Variants in SDK1 observed in about 807,000 individuals in gnomAD.
The protein encoded by SDK1 is sidekick cell adhesion molecule 1.
SDK1 carries 157 observed loss-of-function variants against 245.5 expected under a neutral mutation model. That is an observed-to-expected ratio of 0.64 (90% CI 0.56 to 0.73). The LOEUF (loss-of-function observed/expected upper bound fraction) is 0.73. Among genes scored for constraint, SDK1 ranks in the 30% least tolerant of loss-of-function variants. SDK1 has a pLI of 0.00. For synonymous variants in SDK1, 1,647 were observed against 1,278.5 expected (o/e 1.29, Z -6.15); for missense variants, 3,583 against 3,002.3 (o/e 1.19, Z -4.52).
intron 1 of SDK1, among the ~76,000 whole-genome samples, chr7:3,466,803 T>C (rs1457749051): frequency 2.6e-5 from 4 of 151,970 alleles, no homozygotes; most frequent in Admixed American, 1.3e-4. Context: ...AATTGAACAC[T>C]GTAAAGGACA....
intron 4 of SDK1, among the ~76,000 whole-genome samples, chr7:3,712,832 C>G (rs1785088639): frequency 1.3e-5 from 2 of 152,178 alleles, no homozygotes; most frequent in Non-Finnish European, 2.9e-5. Flanking sequence ...GCTAAATAAA[C>G]AAGGAATGGC....
intron 15 of SDK1, 56 bp downstream of exon 15, chr7:4,011,169 A>G: frequency 6.3e-7 from 1 of 1,584,672 alleles, no homozygotes; most frequent in Non-Finnish European, 8.6e-7. Context: ...CTGAATGCCA[A>G]AGAGAAGCAT....
intron 1 of SDK1, among the ~76,000 whole-genome samples, chr7:3,468,040 G>C (rs1440311260): frequency 1.3e-5 from 2 of 151,866 alleles, no homozygotes; most frequent in Non-Finnish European, 2.9e-5. Context: ...ATCTATGCAA[G>C]AAATGAATAT....
intron 1 of SDK1, among the ~76,000 whole-genome samples, chr7:3,472,695 A>G (rs1289077756): frequency 6.6e-6 from 1 of 152,224 alleles, no homozygotes; most frequent in Non-Finnish European, 1.5e-5. Flanking sequence ...TGAAACTTTC[A>G]AAATTTAGAA....
At chr7:3,916,490 T>G (rs969551183) in intron 5 of SDK1, among the ~76,000 whole-genome samples, 1 of 152,222 alleles carries the variant, frequency 6.6e-6, no homozygotes, top group Non-Finnish European at 1.5e-5. Flanking sequence ...TTTGAACTCT[T>G]GCCATCTTTG....
intron 19 of SDK1, among the ~76,000 whole-genome samples, chr7:4,061,803 T>TA (rs1455158376): frequency 6.6e-6 from 1 of 151,742 alleles, no homozygotes; most frequent in African/African-American, 2.4e-5. Context: ...TATGCAGCCA[T>TA]AAAAAATGAT....
chr7:4,240,021 CAAAG>C (rs1373902275), intron 42 of SDK1, among the ~76,000 whole-genome samples: 2 of 152,196 alleles, frequency 1.3e-5, no homozygotes, highest in Admixed American at 1.3e-4. Context: ...ATTCATCCTT[CAAAG>C]AAAGGATTTA....
intron 3 of SDK1, among the ~76,000 whole-genome samples, chr7:3,639,549 C>T (rs1330129509): frequency 2.0e-5 from 3 of 152,084 alleles, no homozygotes; most frequent in African/African-American, 4.8e-5. Flanking sequence ...GGATAGTGAG[C>T]GTCCCCGATG....
chr7:3,466,542 C>G (rs916081111), intron 1 of SDK1, among the ~76,000 whole-genome samples: 1 of 150,018 alleles, frequency 6.7e-6, no homozygotes, highest in African/African-American at 2.5e-5. Context: ...CAGCCTTGCA[C>G]TGCTTCTGGC....
intron 4 of SDK1, among the ~76,000 whole-genome samples, chr7:3,734,222 A>G (rs1477257562): frequency 2.6e-5 from 4 of 152,234 alleles, no homozygotes; most frequent in Admixed American, 6.5e-5. Flanking sequence ...TTGTATCATT[A>G]GGTGCCCCAC....
At chr7:4,185,069 A>G (rs1243523891) in intron 35 of SDK1, among the ~76,000 whole-genome samples, 1 of 152,206 alleles carries the variant, frequency 6.6e-6, no homozygotes, top group Non-Finnish European at 1.5e-5. Context: ...GCCCAAAGCC[A>G]GGGAGATGTC....
chr7:3,752,403 GCCA>G (rs1779799213), intron 4 of SDK1, among the ~76,000 whole-genome samples: 1 of 152,046 alleles, frequency 6.6e-6, no homozygotes. Context: ...TACTTTTAAT[GCCA>G]TCTGACCTCA....
At chr7:3,524,773 A>G (rs988411216) in intron 1 of SDK1, among the ~76,000 whole-genome samples, 1 of 152,198 alleles carries the variant, frequency 6.6e-6, no homozygotes, top group Non-Finnish European at 1.5e-5. Context: ...ATTTCGATGT[A>G]CAAATCTGGA....
chr7:3,632,674 G>A (rs17320730), intron 2 of SDK1, among the ~76,000 whole-genome samples: 37,078 of 152,002 alleles, frequency 0.24, 5,463 homozygotes, highest in Non-Finnish European at 0.33. Context: ...AGCTTCCATC[G>A]TTACCATACT....
intron 1 of SDK1, among the ~76,000 whole-genome samples, chr7:3,475,140 C>G (rs990762093): frequency 6.6e-6 from 1 of 152,146 alleles, no homozygotes; most frequent in Non-Finnish European, 1.5e-5. Context: ...TCCCCTTGTT[C>G]CATTCTCTCC....
chr7:3,563,632 A>C (rs191718130), intron 1 of SDK1, among the ~76,000 whole-genome samples: 1 of 152,346 alleles, frequency 6.6e-6, no homozygotes, highest in African/African-American at 2.4e-5. Context: ...TGTTCTCAGA[A>C]ATTAGTAAAT....
chr7:3,567,260 C>G (rs1263077695), intron 1 of SDK1, among the ~76,000 whole-genome samples: 1 of 152,142 alleles, frequency 6.6e-6, no homozygotes, highest in African/African-American at 2.4e-5. Flanking sequence ...AGGTATTTAT[C>G]CTCCATTCCT....
At position 4,257,846 on chromosome 7, in the gene SDK1, C is replaced by T. The variant is rs180842936; in HGVS notation, c.6382-7278C>T. 3.8e-3 allele frequency among the ~76,000 whole-genome samples: 571 copies of T among 152,056 alleles called. 3 individuals are homozygous for T. Among genetic ancestry groups the T allele is most frequent in the Non-Finnish European group, 5.3e-3 (361 of 68,030 alleles). The stretch of plus-strand genomic sequence containing the variant: ...CCCTTCCAGCTGCATTGTGAAAAAT[C>T]CCAAGGCAAGACTCTGATTGGCTGA... On this transcript the variant is annotated intron_variant, in intron 44 of 44. Coordinates refer to ENST00000404826, the MANE Select transcript of SDK1 (RefSeq NM_152744.4).
Position 3,634,833 on chromosome 7 carries a change from T to C in SDK1, c.459-4171T>C, listed in dbSNP as rs547692420. Among the ~76,000 whole-genome samples, 3 of 152,324 alleles carry C rather than the reference T, an allele frequency of 2.0e-5. No homozygotes were observed. In the South Asian group the frequency reaches 6.2e-4, roughly 32 times the overall value. ...ATTCAATTTTGTCTCTATTTCTGCT[T>C]CTTGTTTGAAAGCAGTTCTATTTTT... On this transcript the variant is annotated intron_variant, in intron 2 of 44. Transcript: ENST00000404826.
Sources: gnomAD v4.1 joint callset for allele counts (sites outside exome capture counted in the v4.1 genomes callset) on GRCh38, gnomAD v4.1.1 for gene constraint, MANE v1.5 for transcripts, NCBI Gene and HGNC (gene_info 2026-07-23, HGNC 2026-07-21) for gene names.